NBAS: variants seen among roughly 807,000 people sequenced by gnomAD.
The protein encoded by NBAS is NAG/BC035112 fusion.
A neutral mutation model predicts 302.5 loss-of-function variants in NBAS; 219 were observed. The ratio of observed to expected loss-of-function variants is 0.72; its 90% CI spans 0.65 to 0.81. The LOEUF (loss-of-function observed/expected upper bound fraction) is 0.81, where lower values mean the gene tolerates loss of function less well. Among genes scored for constraint, NBAS ranks in the 30% least tolerant of loss-of-function variants. The pLI, the probability that NBAS is intolerant of heterozygous loss-of-function variation, is 0.00. For missense variants in NBAS, 2,932 were observed against 2,841.6 expected, an observed-to-expected ratio of 1.03 and a Z score of -0.72; for synonymous variants, 1,118 against 1,021.6, an observed-to-expected ratio of 1.09 and a Z score of -1.80.
intron 10 of NBAS, among the ~76,000 whole-genome samples, chr2:15,506,203 CAGAATATTT>C (rs1661841361): frequency 6.6e-6 from 1 of 151,676 alleles, no homozygotes; most frequent in African/African-American, 2.4e-5. Context: ...AACCAAAGTA[CAGAATATTT>C]AAAATTATAA....
the NBAS span, among the ~76,000 whole-genome samples, chr2:14,933,109 G>A: frequency 2.6e-5 from 4 of 152,194 alleles, no homozygotes; most frequent in Non-Finnish European, 4.4e-5. Context: ...ATTTACAGAG[G>A]AGGAAACAGA....
intron 6 of NBAS, among the ~76,000 whole-genome samples, chr2:15,549,550 C>G (rs1437357557): frequency 6.6e-6 from 1 of 150,988 alleles, no homozygotes; most frequent in Admixed American, 6.6e-5. Flanking sequence ...ACGTGGCAAA[C>G]CCCTGTATCT....
At chr2:15,382,893 G>A (rs904543912) in intron 29 of NBAS, among the ~76,000 whole-genome samples, 1 of 152,146 alleles carries the variant, frequency 6.6e-6, no homozygotes, top group Admixed American at 6.5e-5. Context: ...ATGAAGACAG[G>A]ACAGATTTGA....
intron 28 of NBAS, among the ~76,000 whole-genome samples, chr2:15,387,269 A>T (rs1341525139): frequency 6.6e-6 from 1 of 152,018 alleles, no homozygotes; most frequent in Non-Finnish European, 1.5e-5. Flanking sequence ...AGGTTTCACC[A>T]TGTTAGCCAG....
chr2:15,058,646 T>C, the NBAS span, among the ~76,000 whole-genome samples: 5 of 152,122 alleles, frequency 3.3e-5, no homozygotes, highest in African/African-American at 1.2e-4. Context: ...GGGGGAAAGA[T>C]AACATCCTTG....
chr2:15,184,636 C>T (rs1181969995), intron 50 of NBAS, among the ~76,000 whole-genome samples: 1 of 152,194 alleles, frequency 6.6e-6, no homozygotes. Flanking sequence ...GCTGTAAATA[C>T]AGATGAAGCT....
At chr2:15,543,846 T>G (rs1239468629) in intron 6 of NBAS, among the ~76,000 whole-genome samples, 2 of 152,160 alleles carry the variant, frequency 1.3e-5, no homozygotes, top group Non-Finnish European at 2.9e-5. Context: ...TGTCAGACAT[T>G]TTATTGTCTG....
intron 28 of NBAS, chr2:15,393,836 CCAAA>C: frequency 2.4e-6 from 1 of 408,954 alleles, no homozygotes; most frequent in Admixed American, 3.2e-5. Context: ...TGAGTGAAAG[CCAAA>C]CAAACACACA....
At chr2:15,307,251 A>G (rs966810293) in intron 40 of NBAS, among the ~76,000 whole-genome samples, 1 of 152,226 alleles carries the variant, frequency 6.6e-6, no homozygotes, top group Non-Finnish European at 1.5e-5. Flanking sequence ...GGGCTTTCCT[A>G]TAGAGTGACT....
intron 50 of NBAS, among the ~76,000 whole-genome samples, chr2:15,183,002 C>T (rs367947180): frequency 1.8e-3 from 279 of 151,980 alleles, no homozygotes; most frequent in South Asian, 2.9e-3. Flanking sequence ...TAGGCACACA[C>T]GTTTCCTAAA....
chr2:14,941,322 G>A, the NBAS span, among the ~76,000 whole-genome samples: 3 of 152,186 alleles, frequency 2.0e-5, no homozygotes, highest in African/African-American at 4.8e-5. Context: ...TCCACCCAGA[G>A]CAATGCTGGG....
chr2:14,979,474 A>G, the NBAS span, among the ~76,000 whole-genome samples: 1 of 152,192 alleles, frequency 6.6e-6, no homozygotes, highest in Admixed American at 6.5e-5. Context: ...TTAAATCCTC[A>G]CAAAATCTTT....
chr2:14,857,322 A>G, the NBAS span, among the ~76,000 whole-genome samples: 2 of 152,180 alleles, frequency 1.3e-5, no homozygotes, highest in Non-Finnish European at 2.9e-5. Flanking sequence ...AGTAAAAATA[A>G]TCCTAGAATT....
intron 33 of NBAS, among the ~76,000 whole-genome samples, chr2:15,354,045 G>C (rs1222449305): frequency 6.6e-6 from 1 of 152,156 alleles, no homozygotes; most frequent in Admixed American, 6.5e-5. Context: ...CTGAGGGCCT[G>C]CTGCAACCCT....
chr2:14,798,539 T>G, the NBAS span, among the ~76,000 whole-genome samples: 1 of 152,134 alleles, frequency 6.6e-6, no homozygotes, highest in Non-Finnish European at 1.5e-5. Flanking sequence ...TCTGTCAAAA[T>G]TTTTTTAGTA....
At chr2:15,226,990 A>G (rs983191859) in intron 47 of NBAS, among the ~76,000 whole-genome samples, 3 of 152,180 alleles carry the variant, frequency 2.0e-5, no homozygotes, top group Non-Finnish European at 4.4e-5. Context: ...GTCTTGTTCC[A>G]AACCTTGGAG....
At chr2:15,311,092 G>A (rs574867049) in intron 38 of NBAS, among the ~76,000 whole-genome samples, 19 of 152,186 alleles carry the variant, frequency 1.2e-4, no homozygotes, top group East Asian at 3.8e-4. Context: ...GACTTTAGGA[G>A]GTTGTGCTAT....
At chr2:15,011,844 A>C in the NBAS span, among the ~76,000 whole-genome samples, 1 of 152,200 alleles carries the variant, frequency 6.6e-6, no homozygotes. Flanking sequence ...CAGAGACTAC[A>C]CTACTGTGTC....
the NBAS span, among the ~76,000 whole-genome samples, chr2:14,955,101 G>T: frequency 6.6e-6 from 1 of 152,152 alleles, no homozygotes; most frequent in Admixed American, 6.5e-5. Flanking sequence ...ATAGGCATTC[G>T]GTAAATACAC....
Sources: gnomAD v4.1 joint callset for allele counts (sites outside exome capture counted in the v4.1 genomes callset) on GRCh38, gnomAD v4.1.1 for gene constraint, MANE v1.5 for transcripts, NCBI Gene and HGNC (gene_info 2026-07-23, HGNC 2026-07-21) for gene names.